Variants in MECOM observed in about 807,000 individuals in gnomAD.
MECOM encodes MDS1 and EVI1 complex locus.
MECOM carries 13 observed loss-of-function variants against 116.3 expected under a neutral mutation model. The ratio of observed to expected loss-of-function variants is 0.11; its 90% CI spans 0.07 to 0.18. MECOM has a LOEUF of 0.18. Among genes scored for constraint, MECOM ranks in the 10% least tolerant of loss-of-function variants. The pLI, the probability that MECOM is intolerant of heterozygous loss-of-function variation, is 1.00. For synonymous variants in MECOM, 528 were observed against 535.2 expected (o/e 0.99, Z 0.19); for missense variants, 1,299 against 1,509.0 (o/e 0.86, Z 2.31).
chr3:169,203,416 C>A (rs1015078126), intron 2 of MECOM, among the ~76,000 whole-genome samples: 6 of 152,060 alleles, frequency 3.9e-5, no homozygotes, highest in African/African-American at 1.4e-4. Flanking sequence ...CACTTAACCT[C>A]TCTGAACTTA....
chr3:169,487,748 C>G (rs62294354), intron 1 of MECOM, among the ~76,000 whole-genome samples: 1,555 of 113,482 alleles, frequency 0.014, 13 homozygotes, highest in Middle Eastern at 0.046. Flanking sequence ...CAAAATCCAG[C>G]TATGTGTTAT....
At chr3:169,345,158 T>C (rs1490488873) in intron 2 of MECOM, among the ~76,000 whole-genome samples, 1 of 152,100 alleles carries the variant, frequency 6.6e-6, no homozygotes, top group Non-Finnish European at 1.5e-5. Flanking sequence ...TAGCAATAAT[T>C]GCACTGTCAT....
intron 2 of MECOM, among the ~76,000 whole-genome samples, chr3:169,370,106 C>T (rs1052636204): frequency 1.3e-5 from 2 of 151,818 alleles, no homozygotes; most frequent in Non-Finnish European, 2.9e-5. Context: ...CCCAAGCCAA[C>T]CTAAAGGGTC....
intron 1 of MECOM, among the ~76,000 whole-genome samples, chr3:169,519,058 G>T (rs938860515): frequency 6.6e-6 from 1 of 152,154 alleles, no homozygotes; most frequent in Non-Finnish European, 1.5e-5. Context: ...TCTTGAATTT[G>T]ACAACCAGAG....
chr3:169,149,042 C>G (rs1395163324), intron 2 of MECOM, among the ~76,000 whole-genome samples: 10 of 151,294 alleles, frequency 6.6e-5, no homozygotes, highest in African/African-American at 2.4e-4. Flanking sequence ...CATTGATTTC[C>G]TGCCCTCCCT....
chr3:169,422,959 A>C (rs1396508058), intron 1 of MECOM, among the ~76,000 whole-genome samples: 1 of 152,088 alleles, frequency 6.6e-6, no homozygotes, highest in African/African-American at 2.4e-5. Flanking sequence ...AATTGCCCTT[A>C]TTTTTAAAAA....
At chr3:169,517,236 A>G (rs900692145) in intron 1 of MECOM, among the ~76,000 whole-genome samples, 2 of 152,194 alleles carry the variant, frequency 1.3e-5, no homozygotes, top group African/African-American at 2.4e-5. Context: ...CTACTTCCAG[A>G]TGAGCTTTTT....
At chr3:169,512,807 C>T (rs1350887013) in intron 1 of MECOM, among the ~76,000 whole-genome samples, 1 of 151,924 alleles carries the variant, frequency 6.6e-6, no homozygotes, top group East Asian at 1.9e-4. Flanking sequence ...TCCCCCTTCC[C>T]ACTTCTTCCT....
At chr3:169,486,467 T>C (rs1229384328) in intron 1 of MECOM, among the ~76,000 whole-genome samples, 2 of 152,084 alleles carry the variant, frequency 1.3e-5, no homozygotes, top group Non-Finnish European at 2.9e-5. Context: ...TGTATCTTCA[T>C]GGTAAACCAT....
chr3:169,244,624 A>T (rs1192910837), intron 2 of MECOM, among the ~76,000 whole-genome samples: 1 of 152,212 alleles, frequency 6.6e-6, no homozygotes, highest in Non-Finnish European at 1.5e-5. Flanking sequence ...GAAGAGGAAA[A>T]TTACAGCATT....
chr3:169,447,051 A>G (rs1744757719), intron 1 of MECOM, among the ~76,000 whole-genome samples: 1 of 152,214 alleles, frequency 6.6e-6, no homozygotes, highest in Non-Finnish European at 1.5e-5. Context: ...TCCTCATTGT[A>G]AAATATTGAA....
chr3:169,309,332 T>C (rs573312135), intron 2 of MECOM, among the ~76,000 whole-genome samples: 15 of 152,378 alleles, frequency 9.8e-5, no homozygotes, highest in African/African-American at 3.4e-4. Context: ...TATATTTGCA[T>C]ATTTTTATCT....
At chr3:169,239,839 AC>A (rs1171487571) in intron 2 of MECOM, among the ~76,000 whole-genome samples, 1 of 152,238 alleles carries the variant, frequency 6.6e-6, no homozygotes, top group Non-Finnish European at 1.5e-5. Context: ...AGGACAGAGT[AC>A]CTAATTCCAT....
chr3:169,123,227 A>G (rs1401760413), intron 5 of MECOM, among the ~76,000 whole-genome samples: 2 of 151,532 alleles, frequency 1.3e-5, no homozygotes, highest in Non-Finnish European at 2.9e-5. Flanking sequence ...TATTCTGTCT[A>G]ATGTATATAA....
chr3:169,258,625 C>T (rs1757164537), intron 2 of MECOM, among the ~76,000 whole-genome samples: 1 of 152,160 alleles, frequency 6.6e-6, no homozygotes, highest in Admixed American at 6.5e-5. Context: ...TAGCAGCTGA[C>T]TTCTACCTTT....
intron 1 of MECOM, among the ~76,000 whole-genome samples, chr3:169,601,727 AAAAG>A (rs1767851872): frequency 6.6e-6 from 1 of 152,252 alleles, no homozygotes; most frequent in Non-Finnish European, 1.5e-5. Context: ...GCCCCATCCC[AAAAG>A]AAAGAATCAC....
intron 1 of MECOM, among the ~76,000 whole-genome samples, chr3:169,643,847 C>A (rs1018219703): frequency 6.6e-6 from 1 of 152,144 alleles, no homozygotes; most frequent in African/African-American, 2.4e-5. Context: ...TGAATAATTT[C>A]TGTGTAGTGA....
At chr3:169,607,432 A>G (rs1768729309) in intron 1 of MECOM, among the ~76,000 whole-genome samples, 1 of 152,284 alleles carries the variant, frequency 6.6e-6, no homozygotes, top group Non-Finnish European at 1.5e-5. Context: ...GAAAATAAAA[A>G]GTTGAGGGGA....
Position 169,116,403 on chromosome 3 carries a change from C to T in MECOM, c.1469G>A (p.Ser490Asn). The change falls in exon 8 of 17, where the codon AGC (serine) becomes AAC (asparagine). Residue 490 changes from serine to asparagine, a missense_variant. Ser to Asn is a conservative substitution (Grantham distance 46, BLOSUM62 1). Transcript: ENST00000651503. ...GCCGGAAGGAAACAGACCAGGGAAG[C>T]TAAAAGAAAATCCAGGAGCTGTTGG... is the stretch of plus-strand genomic sequence containing the variant. ...TFPTAPGFSF[S>N]FPGLFPSGLY... The T allele has an allele frequency of 6.2e-7, 1 of 1,614,132 alleles. No homozygotes were observed. Among genetic ancestry groups the T allele is most frequent in the Non-Finnish European group, 8.5e-7 (1 of 1,180,024 alleles).
Sources: gnomAD v4.1 joint callset for allele counts (sites outside exome capture counted in the v4.1 genomes callset) on GRCh38, gnomAD v4.1.1 for gene constraint, MANE v1.5 for transcripts, NCBI Gene and HGNC (gene_info 2026-07-23, HGNC 2026-07-21) for gene names.